The following TRPM6 variants were observed in gnomAD, a reference collection of about 807,000 sequenced individuals.
TRPM6 encodes the protein transient receptor potential cation channel subfamily M member 6.
Under a neutral mutation model 247.6 loss-of-function variants are expected in TRPM6, and 111 were observed. The ratio of observed to expected loss-of-function variants is 0.45; its 90% confidence interval spans 0.38 to 0.52. The LOEUF is 0.52. Among genes scored for constraint, TRPM6 ranks in the 20% least tolerant of loss-of-function variants. TRPM6 has a pLI of 0.00. For synonymous variants in TRPM6, 892 were observed against 853.8 expected (o/e 1.04, Z -0.78); for missense variants, 2,126 against 2,421.5 (o/e 0.88, Z 2.56).
chr9:74,884,872 G>A (rs1831484773), intron 1 of TRPM6, among the ~76,000 whole-genome samples: 1 of 152,174 alleles, frequency 6.6e-6, no homozygotes, highest in South Asian at 2.1e-4. Flanking sequence ...AGACTAAGGT[G>A]TGGGATATAG....
intron 1 of TRPM6, among the ~76,000 whole-genome samples, chr9:74,873,363 T>C (rs552857651): frequency 2.1e-3 from 320 of 152,320 alleles, no homozygotes; most frequent in African/African-American, 7.4e-3. Context: ...GTACTCTATG[T>C]CTCCAAAGAC....
At chr9:74,755,514 T>A (rs772559587) in intron 27 of TRPM6, 41 bp from the exon 28 acceptor site, 2 of 1,612,708 alleles carry the variant, frequency 1.2e-6, no homozygotes, top group Non-Finnish European at 1.7e-6. Context: ...TGACATTAAT[T>A]CAAAAGCACT....
intron 36 of TRPM6, 100 bp from the exon 37 acceptor site, chr9:74,732,836 C>G (rs1825567760): frequency 1.1e-6 from 1 of 915,100 alleles, no homozygotes; most frequent in South Asian, 1.5e-5. Context: ...ATTTAAAACT[C>G]ACAGTCACTC....
At chr9:74,756,869 A>C (rs1826445377) in intron 27 of TRPM6, among the ~76,000 whole-genome samples, 1 of 151,766 alleles carries the variant, frequency 6.6e-6, no homozygotes, top group African/African-American at 2.4e-5. Flanking sequence ...AAAATTAAGA[A>C]GGAAGTCTGA....
chr9:74,779,128 T>G (rs916871831), intron 23 of TRPM6, among the ~76,000 whole-genome samples: 1 of 152,034 alleles, frequency 6.6e-6, no homozygotes, highest in African/African-American at 2.4e-5. Flanking sequence ...AATACAAAAT[T>G]TAGCTGGACA....
chr9:74,880,447 G>A (rs1051983564), intron 1 of TRPM6, among the ~76,000 whole-genome samples: 4 of 152,014 alleles, frequency 2.6e-5, no homozygotes, highest in African/African-American at 9.7e-5. Flanking sequence ...AAAGAAAAAT[G>A]TCCAGTGATT....
At chr9:74,880,024 C>T (rs1276800894) in intron 1 of TRPM6, among the ~76,000 whole-genome samples, 4 of 151,998 alleles carry the variant, frequency 2.6e-5, no homozygotes, top group African/African-American at 9.7e-5. Context: ...TTGGAAGACA[C>T]CTACCTGGCA....
chr9:74,807,903 A>G, intron 14 of TRPM6, 131 bp downstream of exon 14: 1 of 998,428 alleles, frequency 1.0e-6, no homozygotes, highest in Non-Finnish European at 1.6e-6. Context: ...CACATACAGC[A>G]GATAACAAAT....
chr9:74,750,767 C>T (rs747262489), intron 29 of TRPM6, 45 bp from the exon 30 acceptor site: 5 of 1,570,054 alleles, frequency 3.2e-6, no homozygotes, highest in Non-Finnish European at 4.4e-6. Flanking sequence ...CAACATAGTC[C>T]CACCCCAAGT....
intron 6 of TRPM6, among the ~76,000 whole-genome samples, chr9:74,830,020 A>G (rs1005728709): frequency 3.3e-5 from 5 of 152,082 alleles, no homozygotes; most frequent in Non-Finnish European, 7.4e-5. Context: ...AGTACCAACT[A>G]CTCTGGAGGC....
chr9:74,750,754 G>A, intron 29 of TRPM6, 32 bp from the exon 30 acceptor site: 1 of 1,605,178 alleles, frequency 6.2e-7, no homozygotes, highest in Non-Finnish European at 8.5e-7. Context: ...TTACGTGTGT[G>A]CTCAACATAG....
At chr9:74,848,364 T>C (rs1474642426) in intron 3 of TRPM6, among the ~76,000 whole-genome samples, 4 of 152,160 alleles carry the variant, frequency 2.6e-5, no homozygotes, top group African/African-American at 7.2e-5. Context: ...ACTAAGCCAC[T>C]AACGGGTGGG....
intron 1 of TRPM6, among the ~76,000 whole-genome samples, chr9:74,865,879 T>G (rs1024114595): frequency 2.0e-5 from 3 of 152,224 alleles, no homozygotes; most frequent in Non-Finnish European, 4.4e-5. Flanking sequence ...TCAAGTGATA[T>G]TCCTGCCTCA....
At chr9:74,824,772 T>A (rs976057320) in intron 7 of TRPM6, among the ~76,000 whole-genome samples, 1 of 152,178 alleles carries the variant, frequency 6.6e-6, no homozygotes, top group Non-Finnish European at 1.5e-5. Flanking sequence ...AGAGCCTATG[T>A]TTCCTATCTT....
At chr9:74,791,422 T>C (rs1393405280) in intron 19 of TRPM6, among the ~76,000 whole-genome samples, 1 of 152,074 alleles carries the variant, frequency 6.6e-6, no homozygotes, top group African/African-American at 2.4e-5. Context: ...TATTTAAGTA[T>C]AGATAAGCAT....
intron 35 of TRPM6, 147 bp from the exon 36 acceptor site, chr9:74,738,759 T>A: frequency 1.3e-6 from 1 of 756,702 alleles, no homozygotes; most frequent in Non-Finnish European, 2.3e-6. Flanking sequence ...ATGGAAGGGA[T>A]AGGATGCAAA....
chr9:74,778,197 C>T (rs1193151610), intron 23 of TRPM6, among the ~76,000 whole-genome samples: 10 of 152,130 alleles, frequency 6.6e-5, no homozygotes, highest in Non-Finnish European at 1.2e-4. Context: ...CCACCAGGGG[C>T]TTTTCAGAGC....
At chr9:74,777,235 A>G (rs1222918091) in intron 23 of TRPM6, among the ~76,000 whole-genome samples, 1 of 152,200 alleles carries the variant, frequency 6.6e-6, no homozygotes, top group Non-Finnish European at 1.5e-5. Context: ...CCAACGTGAC[A>G]ACAGCCTTCC....
chr9:74,864,990 T>C (rs1429352337), intron 1 of TRPM6, among the ~76,000 whole-genome samples: 1 of 151,660 alleles, frequency 6.6e-6, no homozygotes, highest in Non-Finnish European at 1.5e-5. Flanking sequence ...AGAGAATCGC[T>C]TGAACCCAGG....
Sources: allele counts gnomAD v4.1 joint callset (sites outside exome capture counted in the v4.1 genomes callset), GRCh38; gene constraint gnomAD v4.1.1; transcripts MANE v1.5; gene names NCBI Gene and HGNC (gene_info 2026-07-23, HGNC 2026-07-21).